The following ENPEP variants were observed in gnomAD, a reference collection of about 807,000 sequenced individuals.
ENPEP encodes glutamyl aminopeptidase, also known as AP-A.
A neutral mutation model predicts 114.5 loss-of-function variants in ENPEP; 103 were observed. The observed-to-expected ratio is 0.90, with a 90% CI of 0.77 to 1.06. The LOEUF is 1.06. Among genes scored for constraint, ENPEP ranks in the 50% least tolerant of loss-of-function variants. The pLI is 0.00. For synonymous variants in ENPEP, 420 were observed against 422.0 expected, an observed-to-expected ratio of 1.00 and a Z score of 0.06; for missense variants, 1,196 against 1,161.3, an observed-to-expected ratio of 1.03 and a Z score of -0.43.
chr4:110,512,582 G>A (rs561967584), intron 6 of ENPEP: 38 of 152,270 alleles, frequency 2.5e-4, no homozygotes, highest in African/African-American at 8.7e-4. Flanking sequence ...ATTAAGTAGA[G>A]CCAATGAAAT....
chr4:110,480,868 A>G (rs377663134), intron 1 of ENPEP, among the ~76,000 whole-genome samples: 1 of 152,110 alleles, frequency 6.6e-6, no homozygotes, highest in Admixed American at 6.5e-5. Context: ...TCGCTAGTCT[A>G]TTCTTCAGGG....
chr4:110,504,873 G>A (rs1578398761), intron 3 of ENPEP, among the ~76,000 whole-genome samples: 1 of 152,292 alleles, frequency 6.6e-6, no homozygotes, highest in Non-Finnish European at 1.5e-5. Context: ...TCCACCTACG[G>A]TGGGAGACCT....
chr4:110,549,795 CTT>C lies in ENPEP; in HGVS notation c.2411_2412del (p.Leu804ArgfsTer42). On this transcript the variant is annotated frameshift_variant, in exon 17 of 20. Coordinates refer to ENST00000265162, the MANE Select transcript of ENPEP (RefSeq NM_001977.4). LOFTEE classifies it high-confidence loss of function. ...CAATGAGATTTCATGGAACTACACT[CTT>C]GAGCAATACCAGAAAACTTCATTAG... is the stretch of plus-strand genomic sequence containing the variant. ...SGNEISWNYT[L>X]EQYQKTSLAQ... The C allele has an allele frequency of 6.2e-7, 1 of 1,613,416 alleles. No individual in the cohort carries two copies. The highest frequency in any genetic ancestry group is 8.5e-7 in the Non-Finnish European group (1 of 1,179,598).
intron 10 of ENPEP, among the ~76,000 whole-genome samples, chr4:110,527,825 C>T (rs1010442736): frequency 6.6e-6 from 1 of 152,092 alleles, no homozygotes; most frequent in Non-Finnish European, 1.5e-5. Context: ...TCATATGTAT[C>T]CATTAATTTG....
At chr4:110,515,557 G>A in intron 8 of ENPEP, 115 bp downstream of exon 8, 1 of 836,278 alleles carries the variant, frequency 1.2e-6, no homozygotes, top group Non-Finnish European at 1.9e-6. Flanking sequence ...CTTTACTGAG[G>A]CATAGATAAT....
intron 13 of ENPEP, 33 bp from the exon 14 acceptor site, chr4:110,548,138 AGTTTT>A: frequency 1.8e-6 from 2 of 1,102,972 alleles, no homozygotes; most frequent in African/African-American, 2.1e-5. Context: ...ATTAACTGTG[AGTTTT>A]TTTTTTTTTT....
chr4:110,490,456 G>A (rs1350934956), intron 2 of ENPEP, among the ~76,000 whole-genome samples: 4 of 152,184 alleles, frequency 2.6e-5, no homozygotes, highest in Non-Finnish European at 5.9e-5. Context: ...ATTGGTGATC[G>A]ACAGTGAGGA....
chr4:110,553,360 TGTG>T lies in ENPEP; in HGVS notation c.2548_2550del (p.Val850del). The T allele has an allele frequency of 1.9e-6, 3 of 1,608,028 alleles. No homozygotes were observed. Among genetic ancestry groups the T allele is most frequent in the Non-Finnish European group, 2.6e-6 (3 of 1,176,074 alleles). ...ACACGAACCTTATTAAAACTCAGGA[TGTG>T]TTTACAGTCATTCGATATATCTCAT... On this transcript the variant is annotated inframe_deletion, in exon 18 of 20. Coordinates refer to ENST00000265162, the MANE Select transcript of ENPEP (RefSeq NM_001977.4).
In ENPEP at chr4:110,476,490, G is replaced by C; in HGVS notation, c.76G>C (p.Val26Leu). ...TKHVAILCAV[V>L]VGVGLIVGLA... ...ACATGTGGCCATTCTCTGTGCGGTG[G>C]TGGTGGGTGTAGGATTAATAGTGGG... Residue 26 changes from valine (V) to leucine (L), a missense_variant, in exon 1 of 20, where the codon GTG becomes CTG. Physicochemically the swap from Val to Leu is conservative, Grantham distance 32. Transcript: ENST00000265162. 6.3e-7 allele frequency: 1 copy of C among 1,580,906 alleles called. No homozygotes were observed.
intron 3 of ENPEP, among the ~76,000 whole-genome samples, chr4:110,505,580 T>C (rs1260523453): frequency 2.6e-5 from 4 of 152,214 alleles, no homozygotes; most frequent in African/African-American, 4.8e-5. Flanking sequence ...TAGCAACGCA[T>C]TGGGAATAAT....
intron 11 of ENPEP, among the ~76,000 whole-genome samples, chr4:110,540,084 T>G (rs1726795862): frequency 6.6e-6 from 1 of 152,184 alleles, no homozygotes; most frequent in Non-Finnish European, 1.5e-5. Flanking sequence ...CAATACTTTT[T>G]GGCATAGATA....
At chr4:110,538,870 AAG>A (rs897484349) in intron 11 of ENPEP, among the ~76,000 whole-genome samples, 33 of 149,938 alleles carry the variant, frequency 2.2e-4, no homozygotes, top group South Asian at 2.1e-4. Context: ...AGGAGAGAGA[AAG>A]AGAGAGAGAG....
intron 1 of ENPEP, among the ~76,000 whole-genome samples, chr4:110,482,897 TAC>T (rs1724367395): frequency 6.6e-6 from 1 of 152,150 alleles, no homozygotes; most frequent in African/African-American, 2.4e-5. Flanking sequence ...TAATCCCAGC[TAC>T]TCTGGAGGCT....
intron 11 of ENPEP, among the ~76,000 whole-genome samples, chr4:110,531,836 A>C (rs1307541891): frequency 6.6e-6 from 1 of 152,162 alleles, no homozygotes; most frequent in Non-Finnish European, 1.5e-5. Context: ...CTTGGAAAGA[A>C]TCCTTCTTTT....
chr4:110,546,969 TCAA>T (rs1727094208), intron 13 of ENPEP, among the ~76,000 whole-genome samples: 1 of 152,012 alleles, frequency 6.6e-6, no homozygotes, highest in South Asian at 2.1e-4. Context: ...CAGGTACCTC[TCAA>T]CAATTTTTAT....
chr4:110,517,690 C>T (rs1050316642), intron 8 of ENPEP, among the ~76,000 whole-genome samples: 7 of 152,128 alleles, frequency 4.6e-5, no homozygotes, highest in Non-Finnish European at 1.0e-4. Flanking sequence ...CTTCCTTTAA[C>T]TGTGATCACA....
At chr4:110,546,389 T>C (rs1328816296) in intron 13 of ENPEP, among the ~76,000 whole-genome samples, 1 of 151,912 alleles carries the variant, frequency 6.6e-6, no homozygotes. Flanking sequence ...TATATTGTCC[T>C]CTTCAGCCCA....
At chr4:110,516,282 C>T (rs1725763555) in intron 8 of ENPEP, among the ~76,000 whole-genome samples, 1 of 152,086 alleles carries the variant, frequency 6.6e-6, no homozygotes, top group African/African-American at 2.4e-5. Context: ...CGTATTATTC[C>T]AGGAGATGTT....
Position 110,532,620 on chromosome 4 carries a change from T to TA in ENPEP, c.1807+1352dup, listed in dbSNP as rs201285660. On this transcript the variant is annotated intron_variant, in intron 11 of 19. Coordinates refer to ENST00000265162, the MANE Select transcript of ENPEP (RefSeq NM_001977.4). Reference sequence around the variant, plus strand: ...ATGTTTTTTCCACCTTTGGGCCTTTTAAAAAAAAACGTTTATTGTTAACAG... The same window carrying TA: ...ATGTTTTTTCCACCTTTGGGCCTTTTAAAAAAAAAACGTTTATTGTTAACAG... Among the ~76,000 whole-genome samples, 481 of 151,156 alleles carry TA rather than the reference T, an allele frequency of 3.2e-3. 20 individuals are homozygous for TA. In the South Asian group the frequency reaches 0.045, roughly 14 times the overall value.
Sources: gnomAD v4.1 joint callset for allele counts (sites outside exome capture counted in the v4.1 genomes callset) on GRCh38, gnomAD v4.1.1 for gene constraint, MANE v1.5 for transcripts, NCBI Gene and HGNC (gene_info 2026-07-23, HGNC 2026-07-21) for gene names.